The following RDX variants were observed in gnomAD, a reference collection of about 807,000 sequenced individuals.
RDX encodes the protein deafness, autosomal recessive 24.
RDX carries 32 observed loss-of-function variants against 83.7 expected under a neutral mutation model. The ratio of observed to expected loss-of-function variants is 0.38; its 90% CI spans 0.29 to 0.51. The LOEUF (loss-of-function observed/expected upper bound fraction) is 0.51. RDX is among the 20% of genes least tolerant of loss of function. RDX has a pLI of 0.87. For missense variants in RDX, 600 were observed against 689.9 expected (o/e 0.87, Z 1.46); for synonymous variants, 229 against 222.7 (o/e 1.03, Z -0.25).
intron 10 of RDX, among the ~76,000 whole-genome samples, chr11:110,239,991 T>C (rs571599916): frequency 2.6e-5 from 4 of 152,240 alleles, no homozygotes; most frequent in African/African-American, 9.6e-5. Flanking sequence ...GGAATTACCA[T>C]AGTATCCAGC....
chr11:110,222,711 G>T (rs1289748610), intron 14 of RDX, among the ~76,000 whole-genome samples: 1 of 152,128 alleles, frequency 6.6e-6, no homozygotes, highest in Admixed American at 6.5e-5. Context: ...CATGAGAATG[G>T]CGTGAACCCG....
At chr11:110,197,900 G>A (rs536829301) in intron 15 of RDX, among the ~76,000 whole-genome samples, 44 of 152,312 alleles carry the variant, frequency 2.9e-4, no homozygotes, top group African/African-American at 1.0e-3. Flanking sequence ...ATGTGTCGTA[G>A]CATTTCAAGT....
chr11:110,257,605 GA>G (rs1379538755), intron 7 of RDX, among the ~76,000 whole-genome samples, 161 bp downstream of exon 7: 1 of 152,118 alleles, frequency 6.6e-6, no homozygotes, highest in African/African-American at 2.4e-5. Context: ...TAAGAAAATG[GA>G]GGTAAAATAT....
At chr11:110,295,602 C>G (rs1591196303) in intron 1 of RDX, among the ~76,000 whole-genome samples, 1 of 129,122 alleles carries the variant, frequency 7.7e-6, no homozygotes, top group Admixed American at 7.9e-5. Flanking sequence ...TCTGAAGAAA[C>G]ATGACATCTG....
At chr11:110,205,311 T>C (rs145047726) in intron 14 of RDX, among the ~76,000 whole-genome samples, 458 of 151,358 alleles carry the variant, frequency 3.0e-3, no homozygotes, top group Non-Finnish European at 5.1e-3. Context: ...AATATCTTCA[T>C]GACATAAAGT....
intron 15 of RDX, among the ~76,000 whole-genome samples, chr11:110,186,460 C>T (rs1862989731): frequency 6.6e-6 from 1 of 151,994 alleles, no homozygotes; most frequent in Admixed American, 6.6e-5. Context: ...TGGTGAATTA[C>T]AGGCTTCTAG....
At chr11:110,218,152 T>C (rs1468970228) in intron 14 of RDX, among the ~76,000 whole-genome samples, 3 of 152,178 alleles carry the variant, frequency 2.0e-5, no homozygotes, top group Admixed American at 6.5e-5. Context: ...GTGTCAGATT[T>C]AGACATATGG....
intron 3 of RDX, among the ~76,000 whole-genome samples, chr11:110,267,972 A>G (rs1470228274): frequency 6.6e-6 from 1 of 151,876 alleles, no homozygotes; most frequent in Non-Finnish European, 1.5e-5. Flanking sequence ...GAAAAAAAAA[A>G]TTAAAAATAA....
chr11:110,210,203 G>A (rs1863780147), intron 14 of RDX, among the ~76,000 whole-genome samples: 2 of 132,736 alleles, frequency 1.5e-5, no homozygotes, highest in Admixed American at 7.4e-5. Context: ...AGAAGCCTCA[G>A]GAGCCGATGC....
At chr11:110,217,793 A>G (rs537501836) in intron 14 of RDX, among the ~76,000 whole-genome samples, 5 of 152,298 alleles carry the variant, frequency 3.3e-5, no homozygotes, top group African/African-American at 1.2e-4. Context: ...GACAATTACA[A>G]TAACCTCTAT....
At chr11:110,263,908 C>A in intron 5 of RDX, 52 bp downstream of exon 5, 1 of 1,489,844 alleles carries the variant, frequency 6.7e-7, no homozygotes, top group Non-Finnish European at 9.3e-7. Flanking sequence ...TATTTATAGA[C>A]TTCTAGAATA....
intron 8 of RDX, 124 bp from the exon 9 acceptor site, chr11:110,254,233 GA>G: frequency 1.2e-6 from 1 of 807,236 alleles, no homozygotes; most frequent in South Asian, 1.7e-5. Context: ...TTAGAAATAA[GA>G]AATCATACAA....
intron 14 of RDX, among the ~76,000 whole-genome samples, chr11:110,206,819 A>C (rs10891075): frequency 0.24 from 36,276 of 152,100 alleles, 5,614 homozygotes; most frequent in Non-Finnish European, 0.34. Flanking sequence ...GAAACTATGT[A>C]GAAGTCAATA....
intron 3 of RDX, among the ~76,000 whole-genome samples, chr11:110,268,795 T>C (rs1025715643): frequency 6.6e-6 from 1 of 152,028 alleles, no homozygotes; most frequent in East Asian, 1.9e-4. Context: ...TAATATATTT[T>C]AGTGAGGCTG....
At chr11:110,193,492 C>A (rs533968419) in intron 15 of RDX, among the ~76,000 whole-genome samples, 8 of 151,082 alleles carry the variant, frequency 5.3e-5, no homozygotes, top group Non-Finnish European at 1.2e-4. Context: ...ATGTAACAAA[C>A]CTACACATGT....
At chr11:110,199,891 G>A (rs1863343494) in intron 14 of RDX, among the ~76,000 whole-genome samples, 1 of 152,102 alleles carries the variant, frequency 6.6e-6, no homozygotes, top group Non-Finnish European at 1.5e-5. Context: ...CGATTAGAAT[G>A]TGGAAATAAG....
intron 1 of RDX, among the ~76,000 whole-genome samples, chr11:110,280,221 CA>C (rs1323019802): frequency 1.3e-5 from 2 of 151,000 alleles, no homozygotes; most frequent in African/African-American, 4.9e-5. Context: ...ATGTAATCTA[CA>C]AAAAAATGGA....
downstream of RDX, among the ~76,000 whole-genome samples, chr11:110,228,593 T>C (rs1864507933): frequency 6.6e-6 from 1 of 152,070 alleles, no homozygotes; most frequent in Non-Finnish European, 1.5e-5. Flanking sequence ...TAATTGTTTT[T>C]ATTGTGCATA....
rs560295546 is a variant in RDX, at chr11:110,247,095, C to T, written c.1090+608G>A. 2.0e-5 allele frequency among the ~76,000 whole-genome samples: 3 copies of T among 152,132 alleles called. No individual in the cohort carries two copies. The East Asian group carries it at 5.8e-4, about 29-fold the overall frequency. Reference sequence around the variant, plus strand: ...ATATCCTAAAGTTACTTAATATAAACCACATATTATAAATCTAGTATATCC... The same window carrying T: ...ATATCCTAAAGTTACTTAATATAAATCACATATTATAAATCTAGTATATCC... On this transcript the variant is annotated intron_variant, in intron 10 of 13. Transcript: ENST00000645495.
Sources: allele counts gnomAD v4.1 joint callset (sites outside exome capture counted in the v4.1 genomes callset), GRCh38; gene constraint gnomAD v4.1.1; transcripts MANE v1.5; gene names NCBI Gene and HGNC (gene_info 2026-07-23, HGNC 2026-07-21).